BBS1: variants seen among roughly 807,000 people sequenced by gnomAD.
The protein encoded by BBS1 is Bardet-Biedl syndrome 1.
A neutral mutation model predicts 73.9 loss-of-function variants in BBS1; 60 were observed. The observed-to-expected ratio is 0.81, with a 90% CI of 0.66 to 1.01. BBS1 has a LOEUF of 1.01. Among genes scored for constraint, BBS1 ranks in the 50% least tolerant of loss-of-function variants. The pLI is 0.00. For missense variants in BBS1, 718 were observed against 770.3 expected (o/e 0.93, Z 0.80); for synonymous variants, 283 against 317.4 (o/e 0.89, Z 1.15).
chr11:66,510,966 C>T, intron 1 of BBS1, 47 bp from the exon 2 acceptor site: 1 of 1,588,574 alleles, frequency 6.3e-7, no homozygotes, highest in African/African-American at 1.4e-5. Context: ...GTTTTTTTTT[C>T]CCCTCCCATG....
At chr11:66,527,130 A>T in intron 13 of BBS1, 1 of 981,474 alleles carries the variant, frequency 1.0e-6, no homozygotes, top group Non-Finnish European at 1.5e-6. Flanking sequence ...TAATCCCAAC[A>T]CTTTGGCAGA....
At chr11:66,530,753 T>C in intron 14 of BBS1, 141 bp from the exon 15 acceptor site, 1 of 1,250,124 alleles carries the variant, frequency 8.0e-7, no homozygotes, top group South Asian at 1.2e-5. Context: ...CTGCCCCTTC[T>C]GGTCTTCTGT....
intron 14 of BBS1, 65 bp downstream of exon 14, chr11:66,530,017 C>T: frequency 6.5e-7 from 1 of 1,547,850 alleles, no homozygotes; most frequent in Non-Finnish European, 8.7e-7. Flanking sequence ...GCAGGAACCC[C>T]TCTGCCACAC....
At chr11:66,523,233 G>A in intron 9 of BBS1, 1 of 671,526 alleles carries the variant, frequency 1.5e-6, no homozygotes, top group African/African-American at 1.8e-5. Context: ...GTGAAGGTGG[G>A]AGGAAGACAA....
At position 66,532,317 on chromosome 11, in the gene BBS1, G is replaced by A; in HGVS notation, c.*280G>A. The A allele has an allele frequency of 2.0e-6, 1 of 510,520 alleles. No homozygotes were observed. Among genetic ancestry groups the A allele is most frequent in the East Asian group, 3.4e-5 (1 of 29,844 alleles). 31.6% of individuals were successfully genotyped at this position (510,520 alleles called of 1,614,324 possible). A position where few individuals can be genotyped will look rare whatever the true frequency, so the allele number is the denominator to read the frequency against. The stretch of plus-strand genomic sequence containing the variant: ...CCAGCCTTTTCCAGAAACCATACTG[G>A]GCTCAGATCAGAGCTCCGAAGCGGT... On this transcript the variant is annotated 3_prime_UTR_variant, in exon 17 of 17. Transcript: ENST00000318312.
chr11:66,515,610 T>C, intron 5 of BBS1, 24 bp downstream of exon 5: 1 of 1,613,956 alleles, frequency 6.2e-7, no homozygotes, highest in Non-Finnish European at 8.5e-7. Flanking sequence ...TTCCCCTTCA[T>C]ACCCCCCTCA....
chr11:66,521,820 G>A (rs948315260), intron 9 of BBS1, among the ~76,000 whole-genome samples: 3 of 147,900 alleles, frequency 2.0e-5, no homozygotes, highest in Admixed American at 6.9e-5. Flanking sequence ...TAGGAGAATC[G>A]CTTGAACCCA....
intron 13 of BBS1, among the ~76,000 whole-genome samples, chr11:66,527,221 G>A (rs377682915): frequency 1.4e-5 from 2 of 143,364 alleles, no homozygotes; most frequent in Non-Finnish European, 3.0e-5. Flanking sequence ...AAAAAAAAAA[G>A]AGAGAGAGAG....
intron 8 of BBS1, chr11:66,520,700 A>G (rs1193246229): frequency 5.7e-6 from 1 of 174,604 alleles, no homozygotes; most frequent in Non-Finnish European, 1.3e-5. Flanking sequence ...TATTAATACC[A>G]ATGCTATAGA....
intron 4 of BBS1, 42 bp from the exon 5 acceptor site, chr11:66,515,498 G>T (rs570518517): frequency 1.9e-6 from 3 of 1,611,556 alleles, no homozygotes; most frequent in Non-Finnish European, 2.5e-6. Context: ...TGGGTTTCCT[G>T]CCTGGCTTGA....
At position 66,526,715 on chromosome 11, in the gene BBS1, G is replaced by A. The variant is rs766745190; in HGVS notation, c.1247G>A (p.Gly416Asp). 1 of 1,614,190 alleles carries A rather than the reference G, an allele frequency of 6.2e-7. No homozygotes were observed. Among genetic ancestry groups the A allele is most frequent in the South Asian group, 1.1e-5 (1 of 91,086 alleles). ...TTTGTAGAGGGAGGAAGTGAGGTGG[G>A]TCCCCCACCAGCCCAGGCCATGAAA... ...AVFVEGGSEV[G>D]PPPAQAMKLN... Residue 416 changes from glycine (G) to aspartate (D), a missense_variant, in exon 13 of 17, where the codon GGT (glycine) becomes GAT (aspartate). Coordinates refer to ENST00000318312, the MANE Select transcript of BBS1 (RefSeq NM_024649.5).
At chr11:66,514,750 C>T (rs1856013461) in intron 4 of BBS1, 72 bp downstream of exon 4, 1 of 1,574,724 alleles carries the variant, frequency 6.4e-7, no homozygotes, top group Admixed American at 1.7e-5. Flanking sequence ...GGGCTGGGCT[C>T]CTGGGAAGAA....
At chr11:66,523,374 A>C in intron 9 of BBS1, 82 bp from the exon 10 acceptor site, 1 of 1,599,920 alleles carries the variant, frequency 6.3e-7, no homozygotes, top group African/African-American at 1.3e-5. Context: ...AGGTGAGTCC[A>C]TGAGGTTTAG....
rs751753112 is a variant in BBS1, at chr11:66,511,012, G to A, written c.48-1G>A. 4 of 1,614,076 alleles carry A rather than the reference G, an allele frequency of 2.5e-6. No individual in the cohort carries two copies. The highest frequency in any genetic ancestry group is 3.4e-6 in the Non-Finnish European group (4 of 1,180,026). On this transcript the variant is annotated splice_acceptor_variant, in intron 1 of 16. Transcript: ENST00000318312. LOFTEE classifies it high-confidence loss of function. ...CCCAACTGTCTTTCCCCCACTTCCA[G>A]CAATGAGGCCAATTCGAAGTGGTTG...
intron 4 of BBS1, among the ~76,000 whole-genome samples, 196 bp downstream of exon 4, chr11:66,514,874 G>A (rs1277607432): frequency 6.6e-6 from 1 of 151,676 alleles, no homozygotes; most frequent in East Asian, 1.9e-4. Flanking sequence ...GGAGTGCAAT[G>A]ACGTGATCTT....
intron 9 of BBS1, 59 bp from the exon 10 acceptor site, chr11:66,523,397 C>T: frequency 1.2e-6 from 2 of 1,613,276 alleles, no homozygotes; most frequent in Non-Finnish European, 1.7e-6. Context: ...AGAGGAGGGT[C>T]AGCCATAGAA....
Position 66,532,109 on chromosome 11 carries a change from C to A in BBS1, c.*72C>A. Reference sequence around the variant, plus strand: ...TGGGCGGGTTTAGTGGCCCCAGGCCCACTCCTCATGCAGCAGTGTGCTGGG... The same window carrying A: ...TGGGCGGGTTTAGTGGCCCCAGGCCAACTCCTCATGCAGCAGTGTGCTGGG... On this transcript the variant is annotated 3_prime_UTR_variant, in exon 17 of 17. Transcript: ENST00000318312. The A allele has an allele frequency of 6.8e-7, 1 of 1,464,548 alleles. No individual in the cohort carries two copies. The highest frequency in any genetic ancestry group is 9.3e-7 in the Non-Finnish European group (1 of 1,075,648). 90.7% of individuals were successfully genotyped at this position (1,464,548 alleles called of 1,614,324 possible). A position where few individuals can be genotyped will look rare whatever the true frequency, so the allele number is the denominator to read the frequency against.
chr11:66,519,490 C>A, intron 7 of BBS1, 127 bp from the exon 8 acceptor site: 1 of 1,338,782 alleles, frequency 7.5e-7, no homozygotes, highest in Non-Finnish European at 1.0e-6. Flanking sequence ...CTTAAATCTT[C>A]TGTCACATCT....
chr11:66,527,439 G>C, intron 13 of BBS1: 1 of 255,576 alleles, frequency 3.9e-6, no homozygotes, highest in Non-Finnish European at 7.7e-6. Flanking sequence ...GGGAGGCGGA[G>C]ATGGGCAGAT....
Sources: gnomAD v4.1 joint callset for allele counts (sites outside exome capture counted in the v4.1 genomes callset) on GRCh38, gnomAD v4.1.1 for gene constraint, MANE v1.5 for transcripts, NCBI Gene and HGNC (gene_info 2026-07-23, HGNC 2026-07-21) for gene names.